The following DACH2 variants were observed in gnomAD, a reference collection of about 807,000 sequenced individuals.
The protein encoded by DACH2 is dachshund homolog 2.
DACH2 carries 17 observed loss-of-function variants against 35.8 expected under a neutral mutation model. That is an observed-to-expected ratio of 0.48 (90% CI 0.33 to 0.71). The LOEUF (loss-of-function observed/expected upper bound fraction) is 0.71. DACH2 is among the 30% of genes least tolerant of loss of function. The pLI is 0.02. For missense variants in DACH2, 469 were observed against 472.7 expected, an observed-to-expected ratio of 0.99 and a Z score of 0.07; for synonymous variants, 195 against 177.3, an observed-to-expected ratio of 1.10 and a Z score of -0.79.
intron 2 of DACH2, among the ~76,000 whole-genome samples, chrX:86,500,414 T>G (rs137928618): frequency 1.8e-5 from 2 of 111,829 alleles, no homozygotes; most frequent in Admixed American, 1.9e-4. Context: ...AGGTTCTAAA[T>G]AATATGACAT....
At chrX:86,295,595 C>A (rs1045157661) in intron 1 of DACH2, among the ~76,000 whole-genome samples, 1 of 111,199 alleles carries the variant, frequency 9.0e-6, no homozygotes, top group Admixed American at 9.6e-5. Context: ...CAAGTTTGGA[C>A]CACTAGGATT....
chrX:86,810,528 T>C, intron 7 of DACH2, among the ~76,000 whole-genome samples: 1 of 111,919 alleles, frequency 8.9e-6, no homozygotes, highest in Non-Finnish European at 1.9e-5. Flanking sequence ...AGTATAAAAG[T>C]ACAGAACCTT....
At chrX:86,336,893 G>T (rs1307690138) in intron 1 of DACH2, among the ~76,000 whole-genome samples, 1 of 108,716 alleles carries the variant, frequency 9.2e-6, no homozygotes, top group Non-Finnish European at 1.9e-5. Context: ...TGACCTGATA[G>T]AGCTGAAAAA....
chrX:86,381,282 T>G (rs1187681233), intron 2 of DACH2, among the ~76,000 whole-genome samples: 1 of 111,008 alleles, frequency 9.0e-6, no homozygotes, highest in Non-Finnish European at 1.9e-5. Context: ...GAAGAAAAAA[T>G]AATTCTTTTT....
At chrX:86,793,923 G>A (rs959688222) in intron 7 of DACH2, among the ~76,000 whole-genome samples, 7 of 112,100 alleles carry the variant, frequency 6.2e-5, no homozygotes, top group Admixed American at 9.5e-5. Context: ...CACACAAAGT[G>A]CATTGTACTT....
chrX:86,483,333 G>C (rs937605462), intron 2 of DACH2, among the ~76,000 whole-genome samples: 2 of 110,598 alleles, frequency 1.8e-5, no homozygotes, highest in Non-Finnish European at 3.8e-5. Context: ...CTATGCGGGA[G>C]ATAGCTTACC....
intron 3 of DACH2, among the ~76,000 whole-genome samples, chrX:86,600,515 G>A (rs2039776280): frequency 8.9e-6 from 1 of 112,151 alleles, no homozygotes; most frequent in Admixed American, 9.5e-5. Context: ...TGTGTATTGT[G>A]CTTACAAGGT....
chrX:86,454,491 G>A (rs762362682), intron 2 of DACH2, among the ~76,000 whole-genome samples: 6 of 111,530 alleles, frequency 5.4e-5, no homozygotes, highest in East Asian at 5.7e-4. Flanking sequence ...TCTTTATTTC[G>A]TATTCTTGTC....
At chrX:86,774,371 C>G (rs1013708217) in intron 7 of DACH2, among the ~76,000 whole-genome samples, 25 of 111,665 alleles carry the variant, frequency 2.2e-4, no homozygotes, top group Non-Finnish European at 4.3e-4. Flanking sequence ...TTTTTGCCTT[C>G]AATAGTTTGT....
intron 1 of DACH2, among the ~76,000 whole-genome samples, chrX:86,355,499 C>T (rs1373570405): frequency 1.8e-5 from 2 of 111,697 alleles, no homozygotes; most frequent in African/African-American, 6.5e-5. Flanking sequence ...ATTCCCTTTT[C>T]TCTGCCACCT....
intron 2 of DACH2, among the ~76,000 whole-genome samples, chrX:86,452,534 C>T (rs1277599153): frequency 9.0e-6 from 1 of 111,049 alleles, no homozygotes; most frequent in African/African-American, 3.3e-5. Flanking sequence ...GATTCATTTT[C>T]TTCCTGGTAC....
At chrX:86,234,733 C>T (rs1391557785) in intron 1 of DACH2, among the ~76,000 whole-genome samples, 1 of 109,298 alleles carries the variant, frequency 9.1e-6, no homozygotes, top group Non-Finnish European at 1.9e-5. Flanking sequence ...CCCACCTCAG[C>T]GTCCTGAATA....
chrX:86,583,405 T>C (rs1432136222), intron 3 of DACH2, among the ~76,000 whole-genome samples: 1 of 110,892 alleles, frequency 9.0e-6, no homozygotes, highest in South Asian at 3.7e-4. Flanking sequence ...TCGAAATAGG[T>C]AGAGCAGAAG....
At chrX:86,715,396 T>C (rs1019169856) in intron 6 of DACH2, among the ~76,000 whole-genome samples, 1 of 111,708 alleles carries the variant, frequency 9.0e-6, no homozygotes, top group Non-Finnish European at 1.9e-5. Flanking sequence ...GGATATTTCG[T>C]AGCTACCCCT....
rs1004771158 is a variant in DACH2 at position 86,693,540 on chromosome X, G to T, written c.773-1481G>T. 2.7e-5 allele frequency among the ~76,000 whole-genome samples: 3 copies of T among 111,820 alleles called. No individual in the cohort carries two copies. The Admixed American group carries it at 2.9e-4, about 11-fold the overall frequency. On this transcript the variant is annotated intron_variant, in intron 4 of 11. Transcript: ENST00000373125. ...AGGACTGGAGTAAAAGTGGATGAGC[G>T]GACAGGAAGCTTAAACAATCCTTTC...
intron 3 of DACH2, among the ~76,000 whole-genome samples, chrX:86,572,567 A>T (rs1261747844): frequency 9.0e-6 from 1 of 111,560 alleles, no homozygotes; most frequent in Non-Finnish European, 1.9e-5. Flanking sequence ...CCTCCAGTAA[A>T]ATACTAAATA....
At chrX:86,808,256 G>A (rs978056114) in intron 7 of DACH2, among the ~76,000 whole-genome samples, 1 of 111,828 alleles carries the variant, frequency 8.9e-6, no homozygotes, top group Non-Finnish European at 1.9e-5. Flanking sequence ...AAAGATGACT[G>A]AATTCCAATA....
intron 7 of DACH2, among the ~76,000 whole-genome samples, chrX:86,771,950 TA>T (rs2041991536): frequency 8.9e-6 from 1 of 111,744 alleles, no homozygotes; most frequent in Non-Finnish European, 1.9e-5. Flanking sequence ...AATGTTGGTA[TA>T]TCAGTTCAGC....
chrX:86,450,115 T>A (rs1171250312), intron 2 of DACH2, among the ~76,000 whole-genome samples: 10 of 111,070 alleles, frequency 9.0e-5, no homozygotes, highest in Non-Finnish European at 7.6e-5. Context: ...GATGTGTAGG[T>A]TTGGTACATA....
Sources: allele counts gnomAD v4.1 joint callset (sites outside exome capture counted in the v4.1 genomes callset), GRCh38; gene constraint gnomAD v4.1.1; transcripts MANE v1.5; gene names NCBI Gene and HGNC (gene_info 2026-07-23, HGNC 2026-07-21).